Variants in RHAG observed in about 807,000 individuals in gnomAD.
RHAG encodes the protein ammonium transporter Rh type A.
RHAG carries 25 observed loss-of-function variants against 42.4 expected under a neutral mutation model. The ratio of observed to expected loss-of-function variants is 0.59; its 90% confidence interval spans 0.43 to 0.82. The LOEUF (loss-of-function observed/expected upper bound fraction) is 0.82, where lower values mean the gene tolerates loss of function less well. Among genes scored for constraint, RHAG ranks in the 40% least tolerant of loss-of-function variants. The pLI is 0.00. For synonymous variants in RHAG, 182 were observed against 177.7 expected (o/e 1.02, Z -0.19); for missense variants, 483 against 504.6 (o/e 0.96, Z 0.41).
At chr6:49,614,984 G>A in intron 4 of RHAG, 131 bp from the exon 5 acceptor site, 2 of 865,146 alleles carry the variant, frequency 2.3e-6, no homozygotes, top group Admixed American at 4.3e-5. Context: ...GTGTCCCTCT[G>A]TCACCCAGGC....
intron 7 of RHAG, among the ~76,000 whole-genome samples, chr6:49,607,793 A>G (rs1206958106): frequency 1.3e-5 from 2 of 152,208 alleles, no homozygotes; most frequent in African/African-American, 4.8e-5. Flanking sequence ...TGAATGACAA[A>G]TGACCTGGGA....
chr6:49,617,375 G>A (rs1459437775), intron 3 of RHAG, among the ~76,000 whole-genome samples: 1 of 152,128 alleles, frequency 6.6e-6, no homozygotes, highest in Non-Finnish European at 1.5e-5. Context: ...ACATTTGTGT[G>A]TTTGTGTCTT....
intron 1 of RHAG, among the ~76,000 whole-genome samples, chr6:49,620,258 T>C (rs931741117): frequency 6.6e-6 from 1 of 152,164 alleles, no homozygotes; most frequent in Non-Finnish European, 1.5e-5. Flanking sequence ...CACAGAATAA[T>C]CCAAGTGGGA....
intron 1 of RHAG, among the ~76,000 whole-genome samples, chr6:49,636,200 C>T (rs2127360135): frequency 1.3e-5 from 2 of 152,204 alleles, no homozygotes; most frequent in East Asian, 3.9e-4. Context: ...TAACTTCCTA[C>T]ATCATACTAA....
intron 1 of RHAG, among the ~76,000 whole-genome samples, chr6:49,628,867 G>A (rs1226126179): frequency 1.3e-5 from 2 of 152,188 alleles, no homozygotes; most frequent in African/African-American, 4.8e-5. Flanking sequence ...AGAGTGAGCA[G>A]TAGCAAGATT....
intron 4 of RHAG, chr6:49,615,055 C>T: frequency 1.8e-6 from 1 of 553,850 alleles, no homozygotes; most frequent in Non-Finnish European, 3.2e-6. Flanking sequence ...TCAAGCAATT[C>T]TTCTGCTTCA....
intron 1 of RHAG, among the ~76,000 whole-genome samples, chr6:49,624,123 T>G (rs540930191): frequency 3.9e-4 from 59 of 152,366 alleles, no homozygotes; most frequent in African/African-American, 1.4e-3. Context: ...ATTAGAATCC[T>G]ACACTGTTCT....
intron 3 of RHAG, among the ~76,000 whole-genome samples, chr6:49,617,057 CAG>C (rs1420631367): frequency 1.3e-5 from 2 of 152,194 alleles, no homozygotes; most frequent in Non-Finnish European, 2.9e-5. Flanking sequence ...ACAGAGTTTA[CAG>C]AGTCTTTATT....
At chr6:49,606,215 T>C (rs1331895066) in intron 9 of RHAG, among the ~76,000 whole-genome samples, 1 of 152,208 alleles carries the variant, frequency 6.6e-6, no homozygotes, top group African/African-American at 2.4e-5. Context: ...CTTATATATT[T>C]CACTTGCTTT....
intron 3 of RHAG, among the ~76,000 whole-genome samples, chr6:49,616,068 C>T (rs1455443362): frequency 6.6e-6 from 1 of 152,010 alleles, no homozygotes; most frequent in African/African-American, 2.4e-5. Context: ...GAAATATTAC[C>T]CACTCTCAAC....
At chr6:49,636,491 G>A (rs1183250218) in intron 1 of RHAG, among the ~76,000 whole-genome samples, 165 bp downstream of exon 1, 2 of 152,112 alleles carry the variant, frequency 1.3e-5, no homozygotes, top group Admixed American at 6.6e-5. Flanking sequence ...CTTAATCACA[G>A]AGAAGAAGAC....
Position 49,605,706 on chromosome 6 carries a change from G to C in RHAG, c.*107C>G. The C allele has an allele frequency of 9.5e-7, 1 of 1,048,028 alleles. No homozygotes were observed. The highest frequency in any genetic ancestry group is 1.5e-6 in the Non-Finnish European group (1 of 663,914). 64.9% of individuals were successfully genotyped at this position (1,048,028 alleles called of 1,614,324 possible). On this transcript the variant is annotated 3_prime_UTR_variant, in exon 10 of 10. Coordinates refer to ENST00000371175, the MANE Select transcript of RHAG (RefSeq NM_000324.3). ...TTGGTTACTCCCTTTTTGTTTATTTGGACTTGATTCTGGATAATGGGAAAG... is the reference window on the plus strand; with the variant it reads ...TTGGTTACTCCCTTTTTGTTTATTTCGACTTGATTCTGGATAATGGGAAAG...
intron 1 of RHAG, among the ~76,000 whole-genome samples, chr6:49,629,659 G>A (rs1054715195): frequency 6.6e-5 from 10 of 152,192 alleles, no homozygotes; most frequent in Non-Finnish European, 1.5e-4. Context: ...GGGGGGCTCA[G>A]GCATGGCGGG....
rs371572879 is a variant in RHAG, at chr6:49,612,545, G to A, written c.808-11C>T. 123 of 1,613,864 alleles carry A rather than the reference G, an allele frequency of 7.6e-5. 2 individuals carry two copies. The highest frequency in any genetic ancestry group is 6.7e-4 in the South Asian group (61 of 91,068). On this transcript the variant is annotated splice_polypyrimidine_tract_variant and intron_variant, in intron 5 of 9. Transcript: ENST00000371175. ...ATTCTGAATGTGAACCTGTGTGAGC[G>A]GCAGAAACATAAATGAGGTGAGCTG...
chr6:49,617,703 T>C (rs1762677284), intron 3 of RHAG, among the ~76,000 whole-genome samples: 1 of 152,082 alleles, frequency 6.6e-6, no homozygotes, highest in African/African-American at 2.4e-5. Context: ...ATTCACCTAG[T>C]AGTAAAAATA....
In RHAG at chr6:49,605,376, T is replaced by C. The variant is rs6906001; in HGVS notation, c.*437A>G. Reference sequence around the variant, plus strand: ...TCATCATATTACTACTTTACACACATGCATTTCTTTAATTATTTTTTTACA... The same window carrying C: ...TCATCATATTACTACTTTACACACACGCATTTCTTTAATTATTTTTTTACA... On this transcript the variant is annotated 3_prime_UTR_variant, in exon 10 of 10. Coordinates refer to ENST00000371175, the MANE Select transcript of RHAG (RefSeq NM_000324.3). 463 of 220,538 alleles carry C rather than the reference T, an allele frequency of 2.1e-3. 2 individuals are homozygous for C. Among genetic ancestry groups the C allele is most frequent in the African/African-American group, 0.01 (455 of 43,924 alleles). 13.7% of individuals were successfully genotyped at this position (220,538 alleles called of 1,614,324 possible).
At chr6:49,636,533 T>A in intron 1 of RHAG, 123 bp downstream of exon 1, 1 of 1,027,896 alleles carries the variant, frequency 9.7e-7, no homozygotes, top group South Asian at 1.3e-5. Flanking sequence ...GTAATATCCT[T>A]AGCACTCATA....
chr6:49,632,781 A>T (rs1488372524), intron 1 of RHAG, among the ~76,000 whole-genome samples: 1 of 152,186 alleles, frequency 6.6e-6, no homozygotes, highest in Non-Finnish European at 1.5e-5. Flanking sequence ...ATAAAATGTA[A>T]GCAGTCCCCA....
intron 1 of RHAG, among the ~76,000 whole-genome samples, chr6:49,624,425 G>A (rs763273351): frequency 2.6e-5 from 4 of 152,092 alleles, no homozygotes; most frequent in Non-Finnish European, 5.9e-5. Flanking sequence ...GGTTGGTCTC[G>A]AACTCCTGAC....
Sources: allele counts gnomAD v4.1 joint callset (sites outside exome capture counted in the v4.1 genomes callset), GRCh38; gene constraint gnomAD v4.1.1; transcripts MANE v1.5; gene names NCBI Gene and HGNC (gene_info 2026-07-23, HGNC 2026-07-21).